The following GATAD2A variants were observed in gnomAD, a reference collection of about 807,000 sequenced individuals.
GATAD2A encodes the protein transcriptional repressor p66-alpha.
GATAD2A carries 12 observed loss-of-function variants against 68.5 expected under a neutral mutation model. That is an observed-to-expected ratio of 0.18 (90% CI 0.11 to 0.28). The LOEUF is 0.28. GATAD2A is among the 10% of genes least tolerant of loss of function. The pLI is 1.00. For missense variants in GATAD2A, 755 were observed against 868.5 expected (o/e 0.87, Z 1.64); for synonymous variants, 410 against 375.3 (o/e 1.09, Z -1.07).
intron 1 of GATAD2A, among the ~76,000 whole-genome samples, chr19:19,407,647 G>A (rs941578495): frequency 2.6e-5 from 4 of 152,180 alleles, no homozygotes; most frequent in African/African-American, 9.7e-5. Flanking sequence ...CTCTGTTTGC[G>A]GATGTAGGGG....
intron 2 of GATAD2A, among the ~76,000 whole-genome samples, chr19:19,477,722 T>C (rs896603400): frequency 2.6e-5 from 4 of 152,258 alleles, no homozygotes; most frequent in African/African-American, 9.6e-5. Flanking sequence ...GCTCTGAGCC[T>C]AGGTGGAGCC....
At chr19:19,418,805 G>C (rs777762560) in intron 1 of GATAD2A, among the ~76,000 whole-genome samples, 5 of 152,124 alleles carry the variant, frequency 3.3e-5, no homozygotes, top group Non-Finnish European at 5.9e-5. Flanking sequence ...GTGTCCCGCT[G>C]TGACACTGGT....
At chr19:19,389,144 G>T (rs2048669894) in intron 1 of GATAD2A, among the ~76,000 whole-genome samples, 1 of 151,952 alleles carries the variant, frequency 6.6e-6, no homozygotes, top group African/African-American at 2.4e-5. Context: ...GCCAAATGCA[G>T]AGCTCTGTGG....
chr19:19,413,602 G>C (rs1568711759), intron 1 of GATAD2A, among the ~76,000 whole-genome samples: 1 of 152,028 alleles, frequency 6.6e-6, no homozygotes, highest in Non-Finnish European at 1.5e-5. Context: ...GTTTTTTTGA[G>C]ATGGAGTCTC....
intron 1 of GATAD2A, chr19:19,457,313 C>T (rs914310356): frequency 2.4e-6 from 2 of 819,532 alleles, no homozygotes; most frequent in African/African-American, 1.9e-5. Context: ...TTCCATAGCC[C>T]CAGGCAGGGC....
intron 2 of GATAD2A, among the ~76,000 whole-genome samples, chr19:19,473,708 C>T (rs1232224986): frequency 2.0e-5 from 3 of 148,920 alleles, no homozygotes; most frequent in Admixed American, 6.8e-5. Context: ...GAGGCCGAGG[C>T]GGGCAGATCA....
chr19:19,495,977 T>G (rs2060124348), intron 6 of GATAD2A, 75 bp from the exon 7 acceptor site: 5 of 1,577,478 alleles, frequency 3.2e-6, no homozygotes, highest in Non-Finnish European at 4.3e-6. Context: ...GGGGGCAAGG[T>G]GCCCTGTGCC....
intron 5 of GATAD2A, 105 bp from the exon 6 acceptor site, chr19:19,495,649 A>AAC (rs1555719258): frequency 7.9e-4 from 837 of 1,061,776 alleles, no homozygotes; most frequent in African/African-American, 4.0e-3. Flanking sequence ...AAAAAAAAAA[A>AAC]AAAAAACTAG....
At chr19:19,404,996 C>T (rs2050059113), upstream of GATAD2A, among the ~76,000 whole-genome samples, 1 of 152,164 alleles carries the variant, frequency 6.6e-6, no homozygotes, top group African/African-American at 2.4e-5. Context: ...AGTCCATTCT[C>T]TTTCAGGCTT....
At chr19:19,478,811 CA>C (rs796546803) in intron 2 of GATAD2A, among the ~76,000 whole-genome samples, 57 of 93,732 alleles carry the variant, frequency 6.1e-4, no homozygotes, top group South Asian at 9.8e-4. Flanking sequence ...GACCTTGTCT[CA>C]AAAAAAAAAA....
At chr19:19,457,663 C>T (rs1490595517) in intron 1 of GATAD2A, among the ~76,000 whole-genome samples, 2 of 151,832 alleles carry the variant, frequency 1.3e-5, no homozygotes, top group Non-Finnish European at 2.9e-5. Context: ...ATGGTGTGAA[C>T]CCGGGAGGCG....
chr19:19,422,268 T>C (rs2052516359), intron 1 of GATAD2A, among the ~76,000 whole-genome samples: 1 of 152,188 alleles, frequency 6.6e-6, no homozygotes, highest in Non-Finnish European at 1.5e-5. Context: ...GCTCTGGGAT[T>C]GCTTGCTTCC....
intron 1 of GATAD2A, among the ~76,000 whole-genome samples, chr19:19,396,628 C>T (rs2049259910): frequency 6.6e-6 from 1 of 152,238 alleles, no homozygotes. Context: ...GGTGATCTGC[C>T]TGCCTTGGCC....
In GATAD2A at chr19:19,505,363, C is replaced by T. The variant is rs1265210013; in HGVS notation, c.1794C>T (p.Val598=). 3 of 1,613,168 alleles carry T rather than the reference C, an allele frequency of 1.9e-6. No individual in the cohort carries two copies. Among genetic ancestry groups the T allele is most frequent in the South Asian group, 2.2e-5 (2 of 90,986 alleles). The change falls in exon 12 of 12, where the codon GTC becomes GTT. Residue 598 remains valine (V), a synonymous_variant. Transcript: ENST00000683918. ...PLSTGGTLAF[V]SPSLAVHKSS... The stretch of plus-strand genomic sequence containing the variant: ...TTGCAGGCGGGACCCTTGCGTTTGT[C>T]AGCCCAAGCCTGGCGGTGCACAAGA...
intron 3 of GATAD2A, 68 bp from the exon 4 acceptor site, chr19:19,492,513 G>T: frequency 6.2e-7 from 1 of 1,611,546 alleles, no homozygotes; most frequent in Non-Finnish European, 8.5e-7. Flanking sequence ...GGTGGAGCTA[G>T]TGATGGCAGG....
At chr19:19,407,732 A>G (rs971611999) in intron 1 of GATAD2A, among the ~76,000 whole-genome samples, 2 of 152,234 alleles carry the variant, frequency 1.3e-5, no homozygotes, top group African/African-American at 2.4e-5. Context: ...CTGGATTTTA[A>G]GGAACTGAAC....
intron 1 of GATAD2A, among the ~76,000 whole-genome samples, chr19:19,460,836 AT>A (rs1470109237): frequency 2.0e-5 from 3 of 151,998 alleles, no homozygotes; most frequent in African/African-American, 7.3e-5. Context: ...AGCAAGCCAG[AT>A]TCCTCCCCTC....
At chr19:19,418,502 G>T (rs968099057) in intron 1 of GATAD2A, among the ~76,000 whole-genome samples, 1 of 152,246 alleles carries the variant, frequency 6.6e-6, no homozygotes, top group East Asian at 1.9e-4. Flanking sequence ...CTTAGCCTGA[G>T]AAAGATCTTT....
chr19:19,492,494 A>T, intron 3 of GATAD2A, 56 bp downstream of exon 3: 1 of 1,612,462 alleles, frequency 6.2e-7, no homozygotes, highest in Non-Finnish European at 8.5e-7. Flanking sequence ...CCTACTCATG[A>T]CACCCTCAGG....
Sources: allele counts gnomAD v4.1 joint callset (sites outside exome capture counted in the v4.1 genomes callset), GRCh38; gene constraint gnomAD v4.1.1; transcripts MANE v1.5; gene names NCBI Gene and HGNC (gene_info 2026-07-23, HGNC 2026-07-21).